SPIDR: variants seen among roughly 807,000 people sequenced by gnomAD.
SPIDR encodes scaffold protein involved in DNA repair.
A neutral mutation model predicts 104.6 loss-of-function variants in SPIDR; 93 were observed. That is an observed-to-expected ratio of 0.89 (90% confidence interval 0.75 to 1.06). SPIDR has a LOEUF of 1.06. Ranked by LOEUF, SPIDR falls within the 50% of genes least tolerant of loss-of-function variation. The probability of loss-of-function intolerance (pLI) is 0.00; values close to 1 mark genes in which losing one functional copy is unlikely to be tolerated. For synonymous variants in SPIDR, 431 were observed against 416.9 expected, an observed-to-expected ratio of 1.03 and a Z score of -0.41; for missense variants, 1,154 against 1,111.2, an observed-to-expected ratio of 1.04 and a Z score of -0.55.
chr8:47,562,166 C>T lies in SPIDR; in HGVS notation c.1098-33645C>T, dbSNP rs2057166497. On this transcript the variant is annotated intron_variant, in intron 8 of 19. Coordinates refer to ENST00000297423, the MANE Select transcript of SPIDR (RefSeq NM_001080394.4). ...TAGCCCTAGGCGTGATTTTCTTCTC[C>T]TCTTGCCATTTGGCATTATATAATG... 2.6e-5 allele frequency among the ~76,000 whole-genome samples: 4 copies of T among 152,214 alleles called. No individual in the cohort carries two copies. The South Asian group carries it at 8.3e-4, about 32-fold the overall frequency.
chr8:47,395,579 A>G (rs984307961), intron 5 of SPIDR, among the ~76,000 whole-genome samples: 1 of 152,178 alleles, frequency 6.6e-6, no homozygotes, highest in African/African-American at 2.4e-5. Context: ...ATAAAATCCT[A>G]TTGTGCTTTA....
At chr8:47,488,149 A>G (rs2078023220) in intron 8 of SPIDR, among the ~76,000 whole-genome samples, 1 of 152,230 alleles carries the variant, frequency 6.6e-6, no homozygotes, top group Non-Finnish European at 1.5e-5. Flanking sequence ...GATAGACACA[A>G]TAAAAAATGA....
At chr8:47,572,681 TAAA>T (rs982324129) in intron 8 of SPIDR, among the ~76,000 whole-genome samples, 7 of 122,998 alleles carry the variant, frequency 5.7e-5, no homozygotes, top group African/African-American at 1.6e-4. Flanking sequence ...TTAAAATAAA[TAAA>T]TAAATAAATA....
chr8:47,292,227 G>A (rs1554569769), intron 4 of SPIDR, among the ~76,000 whole-genome samples: 1 of 151,956 alleles, frequency 6.6e-6, no homozygotes, highest in Non-Finnish European at 1.5e-5. Flanking sequence ...AACTCTTGAC[G>A]GTTCATGTTA....
At chr8:47,709,340 A>G (rs1225032955) in intron 14 of SPIDR, among the ~76,000 whole-genome samples, 3 of 152,094 alleles carry the variant, frequency 2.0e-5, no homozygotes, top group South Asian at 2.1e-4. Context: ...GGGTTTCACA[A>G]TGTTAGCCAG....
chr8:47,529,140 G>T (rs376460805), intron 8 of SPIDR, among the ~76,000 whole-genome samples: 26 of 152,298 alleles, frequency 1.7e-4, no homozygotes, highest in East Asian at 1.5e-3. Context: ...TATTAAAGGA[G>T]GCCGGGCCCG....
At chr8:47,581,947 T>C (rs530122760) in intron 8 of SPIDR, among the ~76,000 whole-genome samples, 170 of 152,322 alleles carry the variant, frequency 1.1e-3, no homozygotes, top group African/African-American at 4.0e-3. Context: ...CTGGGCATGG[T>C]GGCTCACTCC....
intron 1 of SPIDR, among the ~76,000 whole-genome samples, chr8:47,269,798 T>C (rs1236161814): frequency 2.0e-5 from 3 of 152,222 alleles, no homozygotes; most frequent in African/African-American, 7.2e-5. Context: ...GTGGGTTCTT[T>C]GTATATACAT....
At chr8:47,701,920 G>C in intron 13 of SPIDR, 36 bp from the exon 14 acceptor site, 1 of 1,614,118 alleles carries the variant, frequency 6.2e-7, no homozygotes, top group Non-Finnish European at 8.5e-7. Flanking sequence ...TGTGTGCTTC[G>C]TGTAATGCTG....
At chr8:47,264,962 T>G (rs2033584041) in intron 1 of SPIDR, among the ~76,000 whole-genome samples, 1 of 152,198 alleles carries the variant, frequency 6.6e-6, no homozygotes, top group South Asian at 2.1e-4. Flanking sequence ...CATCCTCTAC[T>G]GCTTTGTCTC....
At chr8:47,493,034 A>T (rs1374177509) in intron 8 of SPIDR, among the ~76,000 whole-genome samples, 18 of 109,508 alleles carry the variant, frequency 1.6e-4, no homozygotes, top group South Asian at 2.6e-4. Flanking sequence ...AGAGAGAGAG[A>T]GAGAGTGAGT....
chr8:47,692,746 C>A (rs1040931595), intron 11 of SPIDR, among the ~76,000 whole-genome samples: 1 of 152,070 alleles, frequency 6.6e-6, no homozygotes, highest in African/African-American at 2.4e-5. Context: ...CCACACCCGG[C>A]CAGAATTTCA....
At chr8:47,658,582 GTTGT>G (rs1419075944) in intron 10 of SPIDR, among the ~76,000 whole-genome samples, 3 of 142,676 alleles carry the variant, frequency 2.1e-5, no homozygotes, top group Admixed American at 7.0e-5. Flanking sequence ...TGTTGTTGTT[GTTGT>G]TAATCTCAGC....
intron 8 of SPIDR, among the ~76,000 whole-genome samples, chr8:47,493,678 T>C (rs912368086): frequency 6.6e-6 from 1 of 152,154 alleles, no homozygotes; most frequent in African/African-American, 2.4e-5. Context: ...GATGAGAAAA[T>C]CTTACTGTTT....
intron 11 of SPIDR, among the ~76,000 whole-genome samples, chr8:47,696,013 C>G (rs575153592): frequency 6.6e-6 from 1 of 152,292 alleles, no homozygotes; most frequent in South Asian, 2.1e-4. Context: ...CTTGCCCCAT[C>G]CTCACTTCTG....
chr8:47,592,768 A>G (rs954375723), intron 8 of SPIDR, among the ~76,000 whole-genome samples: 2 of 152,218 alleles, frequency 1.3e-5, no homozygotes, highest in African/African-American at 2.4e-5. Flanking sequence ...TTTTGTTACA[A>G]TAAAAATTTA....
At chr8:47,685,489 A>ATTT (rs1563538942) in intron 11 of SPIDR, among the ~76,000 whole-genome samples, 1 of 112,966 alleles carries the variant, frequency 8.9e-6, no homozygotes, top group Non-Finnish European at 2.1e-5. Flanking sequence ...TTATTTATTT[A>ATTT]TTTATTTATT....
chr8:47,602,668 C>T (rs2062438251), intron 10 of SPIDR, among the ~76,000 whole-genome samples: 1 of 152,150 alleles, frequency 6.6e-6, no homozygotes, highest in African/African-American at 2.4e-5. Flanking sequence ...GTTCCCAGTC[C>T]TCGGTCAGTG....
chr8:47,625,957 T>G (rs1395829386), intron 10 of SPIDR, among the ~76,000 whole-genome samples: 1 of 152,204 alleles, frequency 6.6e-6, no homozygotes, highest in Admixed American at 6.5e-5. Context: ...AGAACAAAGC[T>G]GGAGGTATCA....
Sources: gnomAD v4.1 joint callset for allele counts (sites outside exome capture counted in the v4.1 genomes callset) on GRCh38, gnomAD v4.1.1 for gene constraint, MANE v1.5 for transcripts, NCBI Gene and HGNC (gene_info 2026-07-23, HGNC 2026-07-21) for gene names.